Variants in SLC7A8 observed in about 807,000 individuals in gnomAD.
SLC7A8 encodes the protein solute carrier family 7 member 8, also known as large neutral amino acids transporter small subunit 2.
Under a neutral mutation model 51.2 loss-of-function variants are expected in SLC7A8, and 30 were observed. That is an observed-to-expected ratio of 0.59 (90% CI 0.44 to 0.80). SLC7A8 has a LOEUF of 0.80. Among genes scored for constraint, SLC7A8 ranks in the 30% least tolerant of loss-of-function variants. The pLI is 0.00. For synonymous variants in SLC7A8, 257 were observed against 275.8 expected, an observed-to-expected ratio of 0.93 and a Z score of 0.67; for missense variants, 612 against 674.4, an observed-to-expected ratio of 0.91 and a Z score of 1.03.
Position 23,181,901 on chromosome 14 carries a change from T to G in SLC7A8, c.151+863A>C, listed in dbSNP as rs113081874. On this transcript the variant is annotated intron_variant, in intron 1 of 10. Coordinates refer to ENST00000316902, the MANE Select transcript of SLC7A8 (RefSeq NM_012244.4). ...GAGACGAAGCTGTATTTGGGACTCC[T>G]GCCCTGCAAAGTACATTCAGGGGGT... 1.3e-4 allele frequency among the ~76,000 whole-genome samples: 20 copies of G among 152,358 alleles called. 1 individual carries two copies. The highest frequency in any genetic ancestry group is 4.6e-4 in the African/African-American group (19 of 41,586).
At chr14:23,135,058 C>T (rs984776027) in intron 7 of SLC7A8, among the ~76,000 whole-genome samples, 4 of 152,066 alleles carry the variant, frequency 2.6e-5, no homozygotes, top group African/African-American at 9.7e-5. Flanking sequence ...TGAGCCACCA[C>T]GCCCAGCCCT....
chr14:23,128,246 C>T lies in SLC7A8; in HGVS notation c.1264-50G>A, dbSNP rs1297763620. The T allele has an allele frequency of 6.2e-7, 1 of 1,607,436 alleles. No homozygotes were observed. Among genetic ancestry groups the T allele is most frequent in the African/African-American group, 1.3e-5 (1 of 74,806 alleles). On this transcript the variant is annotated intron_variant, in intron 9 of 10. Transcript: ENST00000316902. The surrounding 1 kb of genome is among the most constrained non-coding windows in gnomAD (Gnocchi z 4.3). ...ATGAACTGTGTAGGCCACGTGGCCC[C>T]CAGGACTAGGGACTGGGGCATTCTC...
rs1877254341 is a variant in SLC7A8, at chr14:23,183,000, T to C, written c.-86A>G. The C allele has an allele frequency of 4.5e-6, 7 of 1,565,314 alleles. No homozygotes were observed. Among genetic ancestry groups the C allele is most frequent in the Non-Finnish European group, 6.1e-6 (7 of 1,143,402 alleles). ...AATATATTGGGAGAGAGCTTTGAAT[T>C]AGAACGTCCTTTTCCGAAATAGGAA... is the stretch of plus-strand genomic sequence containing the variant. On this transcript the variant is annotated 5_prime_UTR_variant, in exon 1 of 11. Transcript: ENST00000316902.
rs575760516 is a variant in SLC7A8 at position 23,162,765 on chromosome 14, G to C, written c.508+2520C>G. Among the ~76,000 whole-genome samples the C allele has an allele frequency of 3.9e-5, 6 of 152,286 alleles. No individual in the cohort carries two copies. The South Asian group carries it at 1.2e-3, about 32-fold the overall frequency. ...TACTTTGGAGGGTCTTTGTGCAAGA[G>C]GTCAAACCCTTGGCAGATTTGGGGA... is the stretch of plus-strand genomic sequence containing the variant. On this transcript the variant is annotated intron_variant, in intron 3 of 10. Transcript: ENST00000316902.
chr14:23,159,826 A>G (rs1370951491), intron 3 of SLC7A8, among the ~76,000 whole-genome samples: 1 of 152,256 alleles, frequency 6.6e-6, no homozygotes, highest in South Asian at 2.1e-4. Context: ...AAGAAGAGCT[A>G]TCTGAAGCCC....
At chr14:23,143,687 T>C (rs2140315616) in intron 3 of SLC7A8, among the ~76,000 whole-genome samples, 1 of 152,356 alleles carries the variant, frequency 6.6e-6, no homozygotes, top group Non-Finnish European at 1.5e-5. Flanking sequence ...TTTTAAAGTG[T>C]ACAGTTTGAT....
chr14:23,139,360 G>C, intron 6 of SLC7A8, 64 bp downstream of exon 6: 1 of 1,609,136 alleles, frequency 6.2e-7, no homozygotes, highest in Non-Finnish European at 8.5e-7. Context: ...AAGTGAGTGG[G>C]GCTACAGCAG....
chr14:23,135,151 G>A (rs553027636), intron 7 of SLC7A8, among the ~76,000 whole-genome samples: 248 of 152,000 alleles, frequency 1.6e-3, no homozygotes, highest in African/African-American at 4.5e-3. Flanking sequence ...GCAGTGTCAC[G>A]ATCTCGGCTC....
At chr14:23,139,202 C>T (rs989297198) in intron 6 of SLC7A8, among the ~76,000 whole-genome samples, 14 of 152,186 alleles carry the variant, frequency 9.2e-5, no homozygotes. Context: ...GGCAATGACT[C>T]GGTTCTGCCA....
At chr14:23,147,506 C>A (rs1325255474) in intron 3 of SLC7A8, among the ~76,000 whole-genome samples, 1 of 152,184 alleles carries the variant, frequency 6.6e-6, no homozygotes, top group Non-Finnish European at 1.5e-5. Flanking sequence ...GAGACCCTGG[C>A]AACATGGAGA....
At position 23,127,078 on chromosome 14, in the gene SLC7A8, G is replaced by C; in HGVS notation, c.*99C>G. ...CCTACCACTGCCTGACAAAAGCAGAGAGAGGGGTGTGTGTGTACTCGCATG... is the reference window on the plus strand; with the variant it reads ...CCTACCACTGCCTGACAAAAGCAGACAGAGGGGTGTGTGTGTACTCGCATG... On this transcript the variant is annotated 3_prime_UTR_variant, in exon 11 of 11. Transcript: ENST00000316902. 2.1e-6 allele frequency: 3 copies of C among 1,429,346 alleles called. No homozygotes were observed. Among genetic ancestry groups the C allele is most frequent in the Non-Finnish European group, 2.9e-6 (3 of 1,031,418 alleles). The allele number at this position is 1,429,346 out of a possible 1,614,324, so 88.5% of individuals were successfully genotyped here.
intron 3 of SLC7A8, chr14:23,155,362 C>T (rs764496846): frequency 1.3e-6 from 2 of 1,511,982 alleles, no homozygotes; most frequent in South Asian, 2.4e-5. Context: ...GCCCCATCCC[C>T]TCCCCTCCTC....
chr14:23,183,136 CTAA>C lies in SLC7A8; in HGVS notation c.-225_-223del, dbSNP rs1877262554. 1.3e-4 allele frequency: 1 copy of C among 7,928 alleles called. No homozygotes were observed. The highest frequency in any genetic ancestry group is 4.2e-3 in the South Asian group (1 of 240). The allele number at this position is 7,928 out of a possible 1,614,324, so 0.5% of individuals were successfully genotyped here. A position where few individuals can be genotyped will look rare whatever the true frequency, so the allele number is the denominator to read the frequency against. On this transcript the variant is annotated 5_prime_UTR_variant, in exon 1 of 11. An upstream open reading frame in the 5' UTR loses its in-frame stop. Coordinates refer to ENST00000316902, the MANE Select transcript of SLC7A8 (RefSeq NM_012244.4). ...GCGTTTACAAACAAGAAAAGTGTTG[CTAA>C]AAAAAAAAAAAAAAAAAAAGGCCAG...
intron 7 of SLC7A8, among the ~76,000 whole-genome samples, chr14:23,135,051 G>A (rs531851780): frequency 4.7e-4 from 72 of 152,204 alleles, no homozygotes; most frequent in African/African-American, 1.7e-3. Context: ...ACAGGCGTGA[G>A]CCACCACGCC....
rs1052610132 is a variant in SLC7A8, at chr14:23,131,460, C to T, written c.1113+1G>A. On this transcript the variant is annotated splice_donor_variant, in intron 8 of 10. Coordinates refer to ENST00000316902, the MANE Select transcript of SLC7A8 (RefSeq NM_012244.4). LOFTEE classifies it high-confidence loss of function. ...AGAGTTACAGCAGGAAGGGCCCTTA[C>T]TGTGAAGAGCAGGGCTGGGATTGGG... 6 of 1,591,222 alleles carry T rather than the reference C, an allele frequency of 3.8e-6. No homozygotes were observed. Among genetic ancestry groups the T allele is most frequent in the African/African-American group, 2.7e-5 (2 of 74,000 alleles).
intron 3 of SLC7A8, chr14:23,155,267 G>T: frequency 6.5e-7 from 1 of 1,536,118 alleles, no homozygotes. Flanking sequence ...GAGGAGGAGG[G>T]TGCAGAGAAG....
chr14:23,129,552 G>C (rs952755379), intron 9 of SLC7A8, 98 bp downstream of exon 9: 2 of 1,372,920 alleles, frequency 1.5e-6, no homozygotes, highest in Non-Finnish European at 2.0e-6. Flanking sequence ...AGATGATGAC[G>C]TGTGGTCAGC....
chr14:23,131,364 G>C (rs1431816043), intron 8 of SLC7A8, 97 bp downstream of exon 8: 1 of 983,718 alleles, frequency 1.0e-6, no homozygotes, highest in Non-Finnish European at 1.5e-6. Context: ...AGACTGCAAG[G>C]GTAACAGGGG....
Position 23,130,135 on chromosome 14 carries a change from C to G in SLC7A8, c.1114-336G>C, listed in dbSNP as rs372970179. 1.8e-5 allele frequency: 4 copies of G among 225,342 alleles called. No individual in the cohort carries two copies. In the South Asian group the frequency reaches 3.2e-4, roughly 18 times the overall value. The allele number at this position is 225,342 out of a possible 1,614,324, so 14.0% of individuals were successfully genotyped here. ...CAGCCCCGGTCTCATTTGTATGCCT[C>G]TGTTGGTTATAGCTCAAGCTAAATT... On this transcript the variant is annotated intron_variant, in intron 8 of 10. Transcript: ENST00000316902.
Sources: allele counts gnomAD v4.1 joint callset (sites outside exome capture counted in the v4.1 genomes callset), GRCh38; gene constraint gnomAD v4.1.1; non-coding constraint Gnocchi (gnomAD v3.1); transcripts MANE v1.5; gene names NCBI Gene and HGNC (gene_info 2026-07-23, HGNC 2026-07-21).